STK3: variants seen among roughly 807,000 people sequenced by gnomAD.
STK3 encodes the protein serine/threonine-protein kinase 3.
Under a neutral mutation model 58.0 loss-of-function variants are expected in STK3, and 41 were observed. That is an observed-to-expected ratio of 0.71 (90% CI 0.55 to 0.92). The LOEUF is 0.92. STK3 is among the 40% of genes least tolerant of loss of function. The pLI, the probability that STK3 is intolerant of heterozygous loss-of-function variation, is 0.00. For missense variants in STK3, 479 were observed against 602.7 expected, an observed-to-expected ratio of 0.79 and a Z score of 2.15; for synonymous variants, 170 against 191.0, an observed-to-expected ratio of 0.89 and a Z score of 0.91.
chr8:98,937,065 C>A (rs1840224021), intron 1 of STK3, among the ~76,000 whole-genome samples: 1 of 152,224 alleles, frequency 6.6e-6, no homozygotes, highest in Non-Finnish European at 1.5e-5. Flanking sequence ...TAACAGAGCT[C>A]ATCACTTCTT....
chr8:98,916,401 A>G (rs1316020892), intron 1 of STK3, among the ~76,000 whole-genome samples: 2 of 152,206 alleles, frequency 1.3e-5, no homozygotes, highest in African/African-American at 4.8e-5. Context: ...GTGACAGAGC[A>G]AGACACCACC....
intron 6 of STK3, among the ~76,000 whole-genome samples, chr8:98,599,092 G>A (rs1330893160): frequency 6.6e-6 from 1 of 152,102 alleles, no homozygotes; most frequent in Non-Finnish European, 1.5e-5. Context: ...GAAGTGATGG[G>A]CATGCCAGAA....
intron 1 of STK3, among the ~76,000 whole-genome samples, chr8:98,908,081 C>T (rs1386104615): frequency 6.6e-6 from 1 of 152,186 alleles, no homozygotes; most frequent in Non-Finnish European, 1.5e-5. Flanking sequence ...TTTCTTAGCA[C>T]TTTCATCAAG....
Position 98,454,878 on chromosome 8 carries a change from G to C in STK3, c.*964C>G, listed in dbSNP as rs776186044. On this transcript the variant is annotated 3_prime_UTR_variant, in exon 11 of 11. Transcript: ENST00000419617. ...GTTTTTGCTACTGGGTTATCATCAG[G>C]AACATGATGTTTACCAATTCCCAGG... 2 of 151,992 alleles carry C rather than the reference G, an allele frequency of 1.3e-5. No homozygotes were observed. The highest frequency in any genetic ancestry group is 2.9e-5 in the Non-Finnish European group (2 of 67,950). The allele number at this position is 151,992 out of a possible 1,614,324, so 9.4% of individuals were successfully genotyped here.
chr8:98,858,313 TATATATATATAGAGAG>T (rs1384880088), intron 3 of STK3, among the ~76,000 whole-genome samples: 2 of 64,736 alleles, frequency 3.1e-5, no homozygotes, highest in African/African-American at 5.7e-5. Context: ...TATATATATA[TATATATATATAGAGAG>T]AGAGAGAGAG....
At chr8:98,384,990 C>T (rs1817775851) in intron 1 of STK3, among the ~76,000 whole-genome samples, 1 of 152,146 alleles carries the variant, frequency 6.6e-6, no homozygotes. Flanking sequence ...CCTTATGGCC[C>T]TCCCACACAG....
intron 6 of STK3, among the ~76,000 whole-genome samples, chr8:98,616,602 A>G (rs930319951): frequency 6.9e-6 from 1 of 144,242 alleles, no homozygotes; most frequent in Non-Finnish European, 1.5e-5. Flanking sequence ...GCTCAAAATA[A>G]AAGGATGGAG....
intron 1 of STK3, among the ~76,000 whole-genome samples, chr8:98,439,650 T>G (rs1221895754): frequency 6.6e-6 from 1 of 152,182 alleles, no homozygotes; most frequent in African/African-American, 2.4e-5. Context: ...GGTCAACACA[T>G]GCGCACACAG....
intron 4 of STK3, among the ~76,000 whole-genome samples, chr8:98,734,455 C>CA (rs1828426971): frequency 1.3e-5 from 2 of 151,956 alleles, no homozygotes; most frequent in Admixed American, 6.6e-5. Context: ...GTAGTCAAAT[C>CA]AAAAAATGGG....
At chr8:98,657,398 A>C (rs1314609022) in intron 6 of STK3, among the ~76,000 whole-genome samples, 1 of 152,140 alleles carries the variant, frequency 6.6e-6, no homozygotes, top group African/African-American at 2.4e-5. Context: ...TCCAGCTCTT[A>C]ACCATTATGT....
intron 4 of STK3, among the ~76,000 whole-genome samples, chr8:98,710,891 G>A (rs1023045085): frequency 1.3e-5 from 2 of 152,226 alleles, no homozygotes; most frequent in Non-Finnish European, 2.9e-5. Context: ...GCAGCCCCAA[G>A]TAGGGGCAGA....
intron 6 of STK3, among the ~76,000 whole-genome samples, chr8:98,683,283 T>C (rs1039582178): frequency 7.4e-4 from 112 of 152,174 alleles, no homozygotes; most frequent in African/African-American, 2.6e-3. Context: ...CTCTTTCAAG[T>C]TGGATTTGAT....
chr8:98,769,737 G>A (rs919141861), intron 2 of STK3, among the ~76,000 whole-genome samples: 1 of 152,184 alleles, frequency 6.6e-6, no homozygotes, highest in South Asian at 2.1e-4. Flanking sequence ...CCAAGTAGCT[G>A]TATCAATACA....
At chr8:98,597,387 T>G (rs1306352558) in intron 6 of STK3, 1 of 984,520 alleles carries the variant, frequency 1.0e-6, no homozygotes, top group East Asian at 1.1e-4. Flanking sequence ...TTTAATAGAT[T>G]AGAATATTTT....
At chr8:98,440,215 C>T (rs544796307) in intron 1 of STK3, among the ~76,000 whole-genome samples, 18 of 152,238 alleles carry the variant, frequency 1.2e-4, no homozygotes, top group African/African-American at 3.1e-4. Context: ...GAATCCAGAC[C>T]GAGAGTGTGA....
chr8:98,464,540 TAAAAAAAAAAAAAA>T, intron 10 of STK3, among the ~76,000 whole-genome samples: 3 of 69,228 alleles, frequency 4.3e-5, no homozygotes, highest in Non-Finnish European at 7.7e-5. Context: ...TACTTAAAGT[TAAAAAAAAAAAAAA>T]AAAAAAAAAA....
At chr8:98,416,270 G>T (rs908952487) in intron 3 of STK3, among the ~76,000 whole-genome samples, 1 of 151,744 alleles carries the variant, frequency 6.6e-6, no homozygotes, top group Non-Finnish European at 1.5e-5. Context: ...GAAGACTCTA[G>T]CTTTGACATC....
At chr8:98,916,723 T>G (rs1176196982) in intron 1 of STK3, among the ~76,000 whole-genome samples, 3 of 152,240 alleles carry the variant, frequency 2.0e-5, no homozygotes, top group African/African-American at 7.2e-5. Context: ...GCTCTGGGGA[T>G]ATAGCATTAA....
intron 6 of STK3, among the ~76,000 whole-genome samples, chr8:98,608,038 T>C (rs1360169990): frequency 2.6e-5 from 4 of 152,194 alleles, no homozygotes; most frequent in African/African-American, 9.6e-5. Context: ...CTCACTACTA[T>C]GGTTTCAGAT....
Sources: gnomAD v4.1 joint callset for allele counts (sites outside exome capture counted in the v4.1 genomes callset) on GRCh38, gnomAD v4.1.1 for gene constraint, MANE v1.5 for transcripts, NCBI Gene and HGNC (gene_info 2026-07-23, HGNC 2026-07-21) for gene names.